CACNA2D3: variants seen among roughly 807,000 people sequenced by gnomAD.
CACNA2D3 encodes calcium voltage-gated channel auxiliary subunit alpha2delta 3, also known as voltage-dependent calcium channel subunit alpha-2/delta-3.
Under a neutral mutation model 160.6 loss-of-function variants are expected in CACNA2D3, and 60 were observed. The observed-to-expected ratio is 0.37, with a 90% CI of 0.30 to 0.46. The LOEUF (loss-of-function observed/expected upper bound fraction) is 0.46. Ranked by LOEUF, CACNA2D3 falls within the 20% of genes least tolerant of loss-of-function variation. The pLI, the probability that CACNA2D3 is intolerant of heterozygous loss-of-function variation, is 1.00. For missense variants in CACNA2D3, 1,205 were observed against 1,365.0 expected (o/e 0.88, Z 1.85); for synonymous variants, 558 against 492.9 (o/e 1.13, Z -1.75).
chr3:54,788,101 C>T (rs544189985), intron 13 of CACNA2D3, among the ~76,000 whole-genome samples: 6 of 152,266 alleles, frequency 3.9e-5, no homozygotes, highest in African/African-American at 1.4e-4. Flanking sequence ...TATACATTTC[C>T]TTATTAATTA....
At chr3:54,758,757 G>C (rs965923546) in intron 12 of CACNA2D3, among the ~76,000 whole-genome samples, 30 of 152,088 alleles carry the variant, frequency 2.0e-4, no homozygotes. Context: ...CTGATATTTT[G>C]GTGCTGGCTC....
At chr3:54,569,176 A>G (rs531490822) in intron 6 of CACNA2D3, among the ~76,000 whole-genome samples, 2 of 152,312 alleles carry the variant, frequency 1.3e-5, no homozygotes, top group South Asian at 4.1e-4. Flanking sequence ...GTTGGATCTG[A>G]TTTTACACAT....
At position 54,495,429 on chromosome 3, in the gene CACNA2D3, A is replaced by T. The variant is rs190472994; in HGVS notation, c.382-8063A>T. Among the ~76,000 whole-genome samples, 18 of 152,256 alleles carry T rather than the reference A, an allele frequency of 1.2e-4. 1 individual carries two copies. In the East Asian group the frequency reaches 1.9e-3, roughly 16 times the overall value. On this transcript the variant is annotated intron_variant, in intron 4 of 37. Coordinates refer to ENST00000474759, the MANE Select transcript of CACNA2D3 (RefSeq NM_018398.3). Reference sequence around the variant, plus strand: ...TCAATGAGTACTGACAAATGAATCCACCTGAGTAACCCATGTATCATCAAG... The same window carrying T: ...TCAATGAGTACTGACAAATGAATCCTCCTGAGTAACCCATGTATCATCAAG...
At chr3:54,365,527 G>C (rs1362944289) in intron 3 of CACNA2D3, among the ~76,000 whole-genome samples, 1 of 152,060 alleles carries the variant, frequency 6.6e-6, no homozygotes, top group Non-Finnish European at 1.5e-5. Context: ...TTTTCACTGA[G>C]TAATGACTGT....
At chr3:54,909,819 G>A (rs1421286795) in intron 27 of CACNA2D3, among the ~76,000 whole-genome samples, 1 of 152,052 alleles carries the variant, frequency 6.6e-6, no homozygotes, top group African/African-American at 2.4e-5. Context: ...ACCAAGTAAA[G>A]GGAGACTTCA....
intron 27 of CACNA2D3, chr3:54,928,006 CT>C: frequency 8.6e-7 from 1 of 1,160,238 alleles, no homozygotes; most frequent in Non-Finnish European, 1.3e-6. Flanking sequence ...CAGAGCCCAG[CT>C]TTACATTCAG....
At chr3:54,355,211 G>A (rs1698628239) in intron 3 of CACNA2D3, among the ~76,000 whole-genome samples, 3 of 152,222 alleles carry the variant, frequency 2.0e-5, no homozygotes, top group Admixed American at 6.5e-5. Flanking sequence ...TGAGGCTGAT[G>A]AGATGGACAG....
At chr3:54,262,737 G>A (rs1462959504) in intron 2 of CACNA2D3, among the ~76,000 whole-genome samples, 3 of 152,154 alleles carry the variant, frequency 2.0e-5, no homozygotes, top group Non-Finnish European at 4.4e-5. Flanking sequence ...CGGAACCTGT[G>A]GTCTAGCCAA....
At chr3:54,732,372 T>TG (rs1199200401) in intron 11 of CACNA2D3, among the ~76,000 whole-genome samples, 1 of 152,206 alleles carries the variant, frequency 6.6e-6, no homozygotes, top group Non-Finnish European at 1.5e-5. Context: ...ATGTGTTCTT[T>TG]GGTGGCCCAT....
Position 54,714,758 on chromosome 3 carries a change from A to G in CACNA2D3, c.1168-37841A>G, listed in dbSNP as rs148692767. Among the ~76,000 whole-genome samples the G allele has an allele frequency of 6.8e-3, 1,040 of 152,338 alleles. 7 individuals are homozygous for G. The highest frequency in any genetic ancestry group is 0.012 in the Non-Finnish European group (783 of 68,020). ...GTTGAAGGAAATGAAATCGATAGCA[A>G]AGAGATAACTGCATTCCCATGCTTA... On this transcript the variant is annotated intron_variant, in intron 11 of 37. Coordinates refer to ENST00000474759, the MANE Select transcript of CACNA2D3 (RefSeq NM_018398.3).
chr3:54,903,130 T>C (rs938490174), intron 27 of CACNA2D3, among the ~76,000 whole-genome samples: 2 of 152,198 alleles, frequency 1.3e-5, no homozygotes, highest in African/African-American at 4.8e-5. Context: ...TGGGGGCTTG[T>C]TGTACAGATT....
intron 29 of CACNA2D3, among the ~76,000 whole-genome samples, chr3:54,971,184 A>G (rs910236282): frequency 6.6e-6 from 1 of 152,044 alleles, no homozygotes. Flanking sequence ...ATCAAAACTA[A>G]TTTCCCCTTA....
chr3:54,948,084 G>A (rs1701659871), intron 27 of CACNA2D3, among the ~76,000 whole-genome samples: 1 of 152,204 alleles, frequency 6.6e-6, no homozygotes, highest in Non-Finnish European at 1.5e-5. Flanking sequence ...ATGTCCAGGT[G>A]AATATCACCC....
intron 12 of CACNA2D3, among the ~76,000 whole-genome samples, chr3:54,755,230 G>A (rs1036713628): frequency 6.6e-6 from 1 of 152,106 alleles, no homozygotes; most frequent in Non-Finnish European, 1.5e-5. Context: ...ATGGTACCCA[G>A]CTTGGGCCAG....
intron 16 of CACNA2D3, among the ~76,000 whole-genome samples, chr3:54,844,859 A>G (rs1334376841): frequency 6.6e-6 from 1 of 152,234 alleles, no homozygotes; most frequent in Non-Finnish European, 1.5e-5. Context: ...TGACTATAAA[A>G]TATTATTTGT....
In CACNA2D3 at chr3:54,897,080, T is replaced by C; in HGVS notation, c.2368+210T>C. ...AAGGAAGGTTTTTCCTTTACCAAAT[T>C]ATGTAAATGTATTTCAGGAAGCAGG... On this transcript the variant is annotated intron_variant, in intron 26 of 37. Coordinates refer to ENST00000474759, the MANE Select transcript of CACNA2D3 (RefSeq NM_018398.3). The C allele has an allele frequency of 4.0e-6, 2 of 505,530 alleles. 1 individual carries two copies. Among genetic ancestry groups the C allele is most frequent in the Non-Finnish European group, 7.0e-6 (2 of 286,134 alleles). The allele number at this position is 505,530 out of a possible 1,614,324, so 31.3% of individuals were successfully genotyped here. A position where few individuals can be genotyped will look rare whatever the true frequency, so the allele number is the denominator to read the frequency against.
At position 55,037,240 on chromosome 3, in the gene CACNA2D3, G is replaced by C. The variant is rs73845257; in HGVS notation, c.2987+18923G>C. On this transcript the variant is annotated intron_variant, in intron 35 of 37. Coordinates refer to ENST00000474759, the MANE Select transcript of CACNA2D3 (RefSeq NM_018398.3). ...CTCCTCCCTCTCCAGAGATCTAGAA[G>C]TTGTCTGAAGTGATGCACCACCATT... is the stretch of plus-strand genomic sequence containing the variant. Among the ~76,000 whole-genome samples, 1,435 of 152,340 alleles carry C rather than the reference G, an allele frequency of 9.4e-3. 27 individuals are homozygous for C. Among genetic ancestry groups the C allele is most frequent in the African/African-American group, 0.033 (1,357 of 41,570 alleles).
chr3:54,636,856 T>C (rs1261456642), intron 10 of CACNA2D3, among the ~76,000 whole-genome samples: 1 of 152,006 alleles, frequency 6.6e-6, no homozygotes, highest in South Asian at 2.1e-4. Context: ...CTGTGAAGCC[T>C]TGTGGCAGTA....
At chr3:54,904,938 T>C (rs571189475) in intron 27 of CACNA2D3, among the ~76,000 whole-genome samples, 2 of 152,330 alleles carry the variant, frequency 1.3e-5, no homozygotes, top group South Asian at 2.1e-4. Flanking sequence ...AAAAGCAACC[T>C]TGTTGGACCA....
Sources: gnomAD v4.1 joint callset for allele counts (sites outside exome capture counted in the v4.1 genomes callset) on GRCh38, gnomAD v4.1.1 for gene constraint, MANE v1.5 for transcripts, NCBI Gene and HGNC (gene_info 2026-07-23, HGNC 2026-07-21) for gene names.